Variants in PTPRD observed in about 807,000 individuals in gnomAD.
The protein encoded by PTPRD is protein tyrosine phosphatase receptor type D.
In PTPRD, 34 loss-of-function variants were observed where a neutral mutation model predicts 214.5. The ratio of observed to expected loss-of-function variants is 0.16; its 90% CI spans 0.12 to 0.21. The LOEUF (loss-of-function observed/expected upper bound fraction) is 0.21, where lower values mean the gene tolerates loss of function less well. Ranked by LOEUF, PTPRD falls within the 10% of genes least tolerant of loss-of-function variation. The probability of loss-of-function intolerance (pLI) is 1.00; values close to 1 mark genes in which losing one functional copy is unlikely to be tolerated. For missense variants in PTPRD, 2,545 were observed against 2,398.7 expected, an observed-to-expected ratio of 1.06 and a Z score of -1.27; for synonymous variants, 1,128 against 845.7, an observed-to-expected ratio of 1.33 and a Z score of -5.79.
chr9:9,366,229 T>C (rs1569567750), intron 9 of PTPRD, among the ~76,000 whole-genome samples: 1 of 151,610 alleles, frequency 6.6e-6, no homozygotes, highest in Non-Finnish European at 1.5e-5. Flanking sequence ...TAACCGACTA[T>C]ATATATGGCT....
chr9:9,886,923 C>T (rs934696112), intron 5 of PTPRD, among the ~76,000 whole-genome samples: 4 of 152,092 alleles, frequency 2.6e-5, no homozygotes, highest in African/African-American at 9.7e-5. Context: ...AGATGGAGCA[C>T]CCAGATGCTC....
chr9:9,068,819 C>T (rs1024395115), intron 10 of PTPRD, among the ~76,000 whole-genome samples: 1 of 152,022 alleles, frequency 6.6e-6, no homozygotes, highest in Non-Finnish European at 1.5e-5. Context: ...ACTATGTTGG[C>T]CAGGATGGTC....
At chr9:10,152,691 G>A (rs1045186970) in intron 3 of PTPRD, among the ~76,000 whole-genome samples, 9 of 152,120 alleles carry the variant, frequency 5.9e-5, no homozygotes, top group African/African-American at 1.7e-4. Flanking sequence ...TGGGCGTGGT[G>A]GCACACGCCT....
intron 3 of PTPRD, among the ~76,000 whole-genome samples, chr9:10,283,565 G>A (rs1010512333): frequency 2.6e-5 from 4 of 152,022 alleles, no homozygotes; most frequent in African/African-American, 9.7e-5. Flanking sequence ...TTTCTTCTGC[G>A]AATTAGTTTC....
intron 2 of PTPRD, among the ~76,000 whole-genome samples, chr9:10,541,387 C>A (rs1026951825): frequency 1.3e-5 from 2 of 152,012 alleles, no homozygotes; most frequent in African/African-American, 4.8e-5. Flanking sequence ...GTCACCAGGA[C>A]CTTTATGTAC....
At chr9:9,020,826 T>C (rs77013630) in intron 10 of PTPRD, among the ~76,000 whole-genome samples, 5,086 of 152,180 alleles carry the variant, frequency 0.033, 96 homozygotes, top group East Asian at 0.069. Context: ...TGAATGAGAA[T>C]AGATAAAAGC....
chr9:9,924,609 T>C (rs1275806207), intron 5 of PTPRD, among the ~76,000 whole-genome samples: 1 of 152,106 alleles, frequency 6.6e-6, no homozygotes, highest in East Asian at 1.9e-4. Context: ...TTTCCTTGTT[T>C]AGAAACTTTT....
At chr9:8,520,745 G>A (rs960354478) in intron 20 of PTPRD, among the ~76,000 whole-genome samples, 1 of 152,132 alleles carries the variant, frequency 6.6e-6, no homozygotes, top group Non-Finnish European at 1.5e-5. Context: ...TATGCAAGGT[G>A]AAAGATAAAA....
chr9:10,379,425 G>A (rs557150528), intron 2 of PTPRD, among the ~76,000 whole-genome samples: 1 of 151,918 alleles, frequency 6.6e-6, no homozygotes, highest in South Asian at 2.1e-4. Flanking sequence ...GTAAAAGTTA[G>A]CATCCTTGTT....
rs140347028 is a variant in PTPRD, at chr9:9,907,447, C to T, written c.-368+31060G>A. On this transcript the variant is annotated intron_variant, in intron 5 of 45. Transcript: ENST00000381196. ...TAGGTCTGGTTTCTCATGAGGCCTC[C>T]CTTTCTCCACGGCTTGACCATGGTT... is the stretch of plus-strand genomic sequence containing the variant. Among the ~76,000 whole-genome samples the T allele has an allele frequency of 7.1e-3, 1,074 of 151,904 alleles. 3 individuals carry two copies. The highest frequency in any genetic ancestry group is 0.011 in the Non-Finnish European group (772 of 67,882).
intron 5 of PTPRD, among the ~76,000 whole-genome samples, chr9:9,876,741 C>T (rs771384777): frequency 1.3e-5 from 2 of 151,850 alleles, no homozygotes; most frequent in African/African-American, 2.4e-5. Flanking sequence ...AATCATGCAA[C>T]ATCATAAAAT....
chr9:8,849,872 A>C (rs1452573073), intron 11 of PTPRD, among the ~76,000 whole-genome samples: 1 of 152,204 alleles, frequency 6.6e-6, no homozygotes, highest in Non-Finnish European at 1.5e-5. Context: ...TTCATAAAGC[A>C]AAAATTAGGA....
At chr9:8,505,016 C>T (rs899723540) in intron 22 of PTPRD, among the ~76,000 whole-genome samples, 1 of 152,152 alleles carries the variant, frequency 6.6e-6, no homozygotes, top group Non-Finnish European at 1.5e-5. Context: ...CACATTACTA[C>T]CCTAGGTTGA....
intron 11 of PTPRD, among the ~76,000 whole-genome samples, chr9:8,817,804 T>C (rs1239941396): frequency 1.3e-5 from 2 of 152,220 alleles, no homozygotes; most frequent in African/African-American, 4.8e-5. Context: ...TTCTTCTTCT[T>C]GGACTTCTTG....
chr9:9,020,652 A>T (rs565657244), intron 10 of PTPRD, among the ~76,000 whole-genome samples: 1 of 152,176 alleles, frequency 6.6e-6, no homozygotes. Context: ...CATTTTGTAC[A>T]TATTATATTT....
At chr9:10,467,089 C>A (rs2098999804) in intron 2 of PTPRD, among the ~76,000 whole-genome samples, 1 of 152,186 alleles carries the variant, frequency 6.6e-6, no homozygotes, top group Admixed American at 6.5e-5. Context: ...ACTCAGAAGA[C>A]ATTGCCAGTT....
intron 9 of PTPRD, among the ~76,000 whole-genome samples, chr9:9,392,690 G>A (rs1042586556): frequency 6.6e-5 from 10 of 152,102 alleles, no homozygotes. Flanking sequence ...ACGTAACACT[G>A]AATTTTCTAT....
At chr9:8,802,955 G>C (rs920316202) in intron 11 of PTPRD, among the ~76,000 whole-genome samples, 3 of 152,040 alleles carry the variant, frequency 2.0e-5, no homozygotes, top group African/African-American at 4.8e-5. Flanking sequence ...GGGAGGCTGA[G>C]GTTAGGAGGA....
At chr9:10,041,291 G>C (rs985931400) in intron 3 of PTPRD, among the ~76,000 whole-genome samples, 12 of 151,832 alleles carry the variant, frequency 7.9e-5, no homozygotes, top group African/African-American at 2.9e-4. Flanking sequence ...TCCTTGAAGA[G>C]GTTTCAATTT....
Sources: gnomAD v4.1 joint callset for allele counts (sites outside exome capture counted in the v4.1 genomes callset) on GRCh38, gnomAD v4.1.1 for gene constraint, MANE v1.5 for transcripts, NCBI Gene and HGNC (gene_info 2026-07-23, HGNC 2026-07-21) for gene names.